The following CDH12 variants were observed in gnomAD, a reference collection of about 807,000 sequenced individuals.
CDH12 encodes cadherin 12, also known as cadherin-12.
In CDH12, 41 loss-of-function variants were observed where a neutral mutation model predicts 74.1. The ratio of observed to expected loss-of-function variants is 0.55; its 90% confidence interval spans 0.43 to 0.72. The LOEUF is 0.72. Ranked by LOEUF, CDH12 falls within the 30% of genes least tolerant of loss-of-function variation. The pLI, the probability that CDH12 is intolerant of heterozygous loss-of-function variation, is 0.00. For missense variants in CDH12, 945 were observed against 977.2 expected (o/e 0.97, Z 0.44); for synonymous variants, 399 against 355.0 (o/e 1.12, Z -1.39).
At chr5:21,762,524 C>T (rs1246250669) in intron 12 of CDH12, among the ~76,000 whole-genome samples, 1 of 151,980 alleles carries the variant, frequency 6.6e-6, no homozygotes, top group Non-Finnish European at 1.5e-5. Flanking sequence ...CAATATATTA[C>T]AATTAATTTC....
At chr5:22,162,648 T>C (rs1480216230) in intron 4 of CDH12, among the ~76,000 whole-genome samples, 4 of 152,048 alleles carry the variant, frequency 2.6e-5, no homozygotes, top group Non-Finnish European at 4.4e-5. Flanking sequence ...AAAAATAACA[T>C]CATGCATATA....
chr5:22,669,024 A>T (rs751921869), intron 1 of CDH12, among the ~76,000 whole-genome samples: 4 of 152,096 alleles, frequency 2.6e-5, no homozygotes, highest in Admixed American at 6.5e-5. Context: ...AGGATTCATT[A>T]CTGGTATAGG....
At chr5:22,751,411 G>C (rs1353291303) in intron 1 of CDH12, among the ~76,000 whole-genome samples, 1 of 150,064 alleles carries the variant, frequency 6.7e-6, no homozygotes, top group African/African-American at 2.4e-5. Flanking sequence ...TCTGAGTCCA[G>C]ATCTTTTGGT....
At chr5:22,535,294 AC>A (rs1366119856) in intron 1 of CDH12, among the ~76,000 whole-genome samples, 2 of 151,620 alleles carry the variant, frequency 1.3e-5, no homozygotes, top group Non-Finnish European at 2.9e-5. Context: ...AGCTGGGACT[AC>A]AGGCGCCCGC....
At chr5:22,491,737 G>T (rs1746881364) in intron 2 of CDH12, among the ~76,000 whole-genome samples, 1 of 152,120 alleles carries the variant, frequency 6.6e-6, no homozygotes, top group African/African-American at 2.4e-5. Flanking sequence ...TGGGCTGTGG[G>T]TTGGACAAGC....
At position 22,792,160 on chromosome 5, in the gene CDH12, C is replaced by T. The variant is rs1218912233; in HGVS notation, c.-523+60898G>A. Among the ~76,000 whole-genome samples, 22 of 147,706 alleles carry T rather than the reference C, an allele frequency of 1.5e-4. 1 individual carries two copies. In the Admixed American group the frequency reaches 1.5e-3, roughly 10 times the overall value. On this transcript the variant is annotated intron_variant, in intron 1 of 14. Coordinates refer to ENST00000382254, the MANE Select transcript of CDH12 (RefSeq NM_004061.5). ...CTGGAGTGCAGTCGCATAATCTCGG[C>T]TCACTGTGACCTCCGCCTCCTGGGT... is the stretch of plus-strand genomic sequence containing the variant.
intron 6 of CDH12, among the ~76,000 whole-genome samples, chr5:21,925,958 A>C (rs1193053475): frequency 6.6e-6 from 1 of 151,832 alleles, no homozygotes; most frequent in Non-Finnish European, 1.5e-5. Context: ...AAAAGAAATG[A>C]TTTCTGGCAT....
chr5:22,825,581 T>C (rs1736279507), intron 1 of CDH12, among the ~76,000 whole-genome samples: 1 of 152,024 alleles, frequency 6.6e-6, no homozygotes, highest in African/African-American at 2.4e-5. Flanking sequence ...TGTGAGTGAG[T>C]AAGTAAAAAC....
chr5:22,729,492 T>A (rs745830592), intron 1 of CDH12, among the ~76,000 whole-genome samples: 3 of 151,882 alleles, frequency 2.0e-5, no homozygotes, highest in Non-Finnish European at 4.4e-5. Flanking sequence ...AAGGTCCCTG[T>A]GACTGTAACA....
In CDH12 at chr5:21,783,463, T is replaced by C. The variant is rs1746029448; in HGVS notation, c.1288A>G (p.Ser430Gly). 6.2e-7 allele frequency: 1 copy of C among 1,607,034 alleles called. No individual in the cohort carries two copies. Among genetic ancestry groups the C allele is most frequent in the African/African-American group, 1.3e-5 (1 of 74,770 alleles). Residue 430 changes from serine (S) to glycine (G), a missense_variant, in exon 11 of 15, where the codon AGC becomes GGC. Around this residue, in one of 3 missense-constraint regions of CDH12, gnomAD observed 791 missense variants for 792.8 expected, o/e 1.00. Transcript: ENST00000382254. ...YFIDWKSDGD[S>G]YFTIDGNEGT... is the part of the protein sequence containing the mutation. ...TCATTTCCATCTATTGTAAAGTAGC[T>C]GTCCCCATCACTCTTCCAATCTATG... is the stretch of plus-strand genomic sequence containing the variant.
At chr5:22,097,843 C>G (rs762952186) in intron 4 of CDH12, among the ~76,000 whole-genome samples, 1 of 152,124 alleles carries the variant, frequency 6.6e-6, no homozygotes. Flanking sequence ...TCCCACAGCA[C>G]GCTTTGAGAA....
chr5:22,809,480 T>C (rs2126443616), intron 1 of CDH12, among the ~76,000 whole-genome samples: 1 of 151,934 alleles, frequency 6.6e-6, no homozygotes, highest in East Asian at 1.9e-4. Flanking sequence ...CTTTTAAATA[T>C]ATGCTTATCT....
chr5:22,629,267 T>C (rs925756235), intron 1 of CDH12, among the ~76,000 whole-genome samples: 1 of 152,020 alleles, frequency 6.6e-6, no homozygotes. Flanking sequence ...ACCATCTTTC[T>C]GATACCAAAA....
chr5:22,686,059 T>C (rs1268561114), intron 1 of CDH12, among the ~76,000 whole-genome samples: 2 of 152,190 alleles, frequency 1.3e-5, no homozygotes, highest in African/African-American at 4.8e-5. Flanking sequence ...TCCACATCTG[T>C]TACTGTCCTT....
intron 1 of CDH12, among the ~76,000 whole-genome samples, chr5:22,626,056 A>C (rs72637726): frequency 0.069 from 10,511 of 151,632 alleles, 450 homozygotes; most frequent in East Asian, 0.24. Flanking sequence ...CAGCATGCTA[A>C]CCCCATGGAG....
intron 7 of CDH12, among the ~76,000 whole-genome samples, chr5:21,850,057 A>G (rs1325163303): frequency 1.3e-5 from 2 of 151,728 alleles, no homozygotes; most frequent in African/African-American, 4.8e-5. Flanking sequence ...GCATATAAAT[A>G]AAAATATTGT....
chr5:21,794,667 C>T (rs574972267), intron 10 of CDH12, among the ~76,000 whole-genome samples: 5 of 151,234 alleles, frequency 3.3e-5, no homozygotes, highest in African/African-American at 4.9e-5. Flanking sequence ...ATATTTGTTT[C>T]CTGTATACAG....
chr5:22,643,936 G>T (rs1343340052), intron 1 of CDH12, among the ~76,000 whole-genome samples: 2 of 151,630 alleles, frequency 1.3e-5, no homozygotes, highest in Admixed American at 6.6e-5. Context: ...GACCTTTGAG[G>T]TTACTATTGT....
intron 2 of CDH12, among the ~76,000 whole-genome samples, chr5:22,451,403 G>A (rs1433985665): frequency 6.6e-6 from 1 of 151,772 alleles, no homozygotes; most frequent in East Asian, 1.9e-4. Flanking sequence ...CCAGCAATGC[G>A]AGGATGGTTC....
Sources: allele counts gnomAD v4.1 joint callset (sites outside exome capture counted in the v4.1 genomes callset), GRCh38; gene constraint gnomAD v4.1.1; regional missense constraint gnomAD v4.1.1; transcripts MANE v1.5; gene names NCBI Gene and HGNC (gene_info 2026-07-23, HGNC 2026-07-21).